The following UNC5D variants were observed in gnomAD, a reference collection of about 807,000 sequenced individuals.
UNC5D encodes the protein netrin receptor UNC5D.
UNC5D carries 39 observed loss-of-function variants against 105.4 expected under a neutral mutation model. That is an observed-to-expected ratio of 0.37 (90% confidence interval 0.29 to 0.48). The LOEUF (loss-of-function observed/expected upper bound fraction) is 0.48, where lower values mean the gene tolerates loss of function less well. Among genes scored for constraint, UNC5D ranks in the 20% least tolerant of loss-of-function variants. The pLI is 0.98. For synonymous variants in UNC5D, 452 were observed against 450.4 expected (o/e 1.00, Z -0.04); for missense variants, 991 against 1,202.4 (o/e 0.82, Z 2.60).
chr8:35,593,712 A>G (rs928912594), intron 3 of UNC5D, among the ~76,000 whole-genome samples: 1 of 152,140 alleles, frequency 6.6e-6, no homozygotes, highest in Non-Finnish European at 1.5e-5. Context: ...ACGGTGAGCT[A>G]TGTTCACACC....
chr8:35,769,285 G>T lies in UNC5D; in HGVS notation c.2478+2219G>T, dbSNP rs58014162. ...ACCCAACTCAGAGACCTGACTTGAA[G>T]ATCAAAGTCTGACTACTCCACTACA... On this transcript the variant is annotated intron_variant, in intron 15 of 16. Coordinates refer to ENST00000404895, the MANE Select transcript of UNC5D (RefSeq NM_080872.4). Among the ~76,000 whole-genome samples the T allele has an allele frequency of 3.6e-3, 544 of 152,252 alleles. 4 individuals are homozygous for T. The highest frequency in any genetic ancestry group is 0.012 in the African/African-American group (518 of 41,552).
chr8:35,287,005 C>G (rs2950909), intron 1 of UNC5D, among the ~76,000 whole-genome samples: 54,843 of 152,024 alleles, frequency 0.36, 10,901 homozygotes, highest in Middle Eastern at 0.46. Context: ...GATCACAGAG[C>G]ACAGCCAGAA....
rs181283209 is a variant in UNC5D at position 35,451,331 on chromosome 8, C to T, written c.104-97961C>T. ...GTGCTGGAATTACAGGCATGAGCCA[C>T]TGCACCTGGCCCTATAGTAATAACC... On this transcript the variant is annotated intron_variant, in intron 1 of 16. Transcript: ENST00000404895. 1.5e-3 allele frequency among the ~76,000 whole-genome samples: 235 copies of T among 152,276 alleles called. 1 individual carries two copies. The highest frequency in any genetic ancestry group is 5.5e-3 in the African/African-American group (227 of 41,558).
At chr8:35,469,298 G>A (rs1336568480) in intron 1 of UNC5D, among the ~76,000 whole-genome samples, 4 of 152,158 alleles carry the variant, frequency 2.6e-5, no homozygotes, top group African/African-American at 7.2e-5. Flanking sequence ...TAAAGTGGGG[G>A]TAATAATTTG....
intron 4 of UNC5D, among the ~76,000 whole-genome samples, chr8:35,616,121 G>A (rs1196656493): frequency 1.3e-5 from 2 of 152,128 alleles, no homozygotes; most frequent in Admixed American, 6.5e-5. Flanking sequence ...TTTTTGAAGC[G>A]CCTAGATGCC....
intron 16 of UNC5D, among the ~76,000 whole-genome samples, chr8:35,787,839 T>C (rs1802819996): frequency 6.6e-6 from 1 of 152,130 alleles, no homozygotes; most frequent in Non-Finnish European, 1.5e-5. Context: ...AGGCTGGTCT[T>C]GAACTCCTGG....
At chr8:35,635,375 C>T (rs1371783846) in intron 4 of UNC5D, among the ~76,000 whole-genome samples, 4 of 152,290 alleles carry the variant, frequency 2.6e-5, no homozygotes, top group South Asian at 2.1e-4. Context: ...AAGGGATGCA[C>T]GTTTTGTCTT....
chr8:35,726,400 T>G lies in UNC5D; in HGVS notation c.1552T>G (p.Phe518Val). ...TTTTCCCCATGGAAACAACCACAGC[T>G]TTAGTACAATGCATCCCAGAAATAA... ...RTFPHGNNHS[F>V]STMHPRNKMP... Residue 518 changes from phenylalanine (F) to valine (V), a missense_variant, in exon 10 of 17, where the codon TTT becomes GTT. Coordinates refer to ENST00000404895, the MANE Select transcript of UNC5D (RefSeq NM_080872.4). The G allele has an allele frequency of 6.2e-7, 1 of 1,614,102 alleles. No individual in the cohort carries two copies. Among genetic ancestry groups the G allele is most frequent in the Non-Finnish European group, 8.5e-7 (1 of 1,180,016 alleles).
intron 4 of UNC5D, among the ~76,000 whole-genome samples, chr8:35,652,270 A>C (rs866744841): frequency 2.6e-5 from 4 of 152,340 alleles, no homozygotes; most frequent in Middle Eastern, 3.4e-3. Context: ...GCTAAAAAAA[A>C]CATAAAAACA....
At chr8:35,643,328 T>A (rs867914572) in intron 4 of UNC5D, among the ~76,000 whole-genome samples, 5 of 152,178 alleles carry the variant, frequency 3.3e-5, no homozygotes, top group Admixed American at 6.5e-5. Context: ...CCTCTCCTCC[T>A]TTTTGCAGCC....
intron 4 of UNC5D, among the ~76,000 whole-genome samples, chr8:35,678,082 A>G (rs1825391256): frequency 6.6e-6 from 1 of 152,122 alleles, no homozygotes; most frequent in South Asian, 2.1e-4. Flanking sequence ...AGACCATAGT[A>G]TATGTCTATA....
intron 11 of UNC5D, 119 bp from the exon 12 acceptor site, chr8:35,748,408 A>G: frequency 8.3e-6 from 9 of 1,084,426 alleles, no homozygotes; most frequent in Non-Finnish European, 1.2e-5. Flanking sequence ...GTAAAAGAAA[A>G]TCCTGGAAAG....
intron 2 of UNC5D, among the ~76,000 whole-genome samples, chr8:35,553,858 G>T (rs765515663): frequency 5.8e-4 from 88 of 152,250 alleles, no homozygotes; most frequent in Admixed American, 2.4e-3. Context: ...GACTGGATTC[G>T]TAAAATAATT....
chr8:35,638,258 G>A (rs1017467859), intron 4 of UNC5D, among the ~76,000 whole-genome samples: 5 of 152,072 alleles, frequency 3.3e-5, no homozygotes, highest in Non-Finnish European at 5.9e-5. Context: ...CTTTCAGAAG[G>A]AAGGTAATCG....
intron 1 of UNC5D, among the ~76,000 whole-genome samples, chr8:35,457,871 G>A (rs1340796699): frequency 1.3e-5 from 2 of 152,040 alleles, no homozygotes; most frequent in Admixed American, 6.6e-5. Context: ...TTTAATAAAA[G>A]AGCTTATTAA....
chr8:35,248,705 A>G (rs1294613178), intron 1 of UNC5D, among the ~76,000 whole-genome samples: 2 of 102,070 alleles, frequency 2.0e-5, no homozygotes, highest in South Asian at 3.1e-4. Context: ...ATAAAAATAT[A>G]TAATATATAT....
intron 1 of UNC5D, among the ~76,000 whole-genome samples, chr8:35,414,132 A>G (rs990723868): frequency 6.6e-6 from 1 of 151,944 alleles, no homozygotes; most frequent in Non-Finnish European, 1.5e-5. Context: ...CTACTGTTTA[A>G]TTTTTTTCTC....
intron 4 of UNC5D, among the ~76,000 whole-genome samples, chr8:35,620,613 T>A (rs531126947): frequency 1.3e-5 from 2 of 151,968 alleles, no homozygotes; most frequent in East Asian, 1.9e-4. Flanking sequence ...TAGGCAATTA[T>A]GGTTTACCTT....
At chr8:35,314,572 T>TA (rs11387854) in intron 1 of UNC5D, among the ~76,000 whole-genome samples, 124,726 of 152,078 alleles carry the variant, frequency 0.82, 51,605 homozygotes, top group East Asian at 1. Flanking sequence ...GGAATATATG[T>TA]AAAATCATCT....
Sources: allele counts gnomAD v4.1 joint callset (sites outside exome capture counted in the v4.1 genomes callset), GRCh38; gene constraint gnomAD v4.1.1; transcripts MANE v1.5; gene names NCBI Gene and HGNC (gene_info 2026-07-23, HGNC 2026-07-21).